Variants in SIRT1 observed in about 807,000 individuals in gnomAD.
The protein encoded by SIRT1 is NAD-dependent protein deacetylase sirtuin-1.
Under a neutral mutation model 67.9 loss-of-function variants are expected in SIRT1, and 24 were observed. The observed-to-expected ratio is 0.35, with a 90% CI of 0.26 to 0.50. The LOEUF is 0.50. Ranked by LOEUF, SIRT1 falls within the 20% of genes least tolerant of loss-of-function variation. The pLI, the probability that SIRT1 is intolerant of heterozygous loss-of-function variation, is 0.98. For missense variants in SIRT1, 873 were observed against 937.2 expected (o/e 0.93, Z 0.89); for synonymous variants, 378 against 350.7 (o/e 1.08, Z -0.87).
rs1285575541 is a variant in SIRT1 at position 67,912,657 on chromosome 10, C to G, written c.1541C>G (p.Pro514Arg). The change falls in exon 8 of 9, where the codon CCT (proline) becomes CGT (arginine). Residue 514 changes from proline (P) to arginine (R), a missense_variant. By Grantham distance (103) the Pro-to-Arg change is moderately radical (BLOSUM62 -2). Coordinates refer to ENST00000212015, the MANE Select transcript of SIRT1 (RefSeq NM_012238.5). ...AAGCTTTCAGAAATTACTGAAAAAC[C>G]TCCACGAACACAAAAAGAATTGGCT... is the stretch of plus-strand genomic sequence containing the variant. ...PVKLSEITEK[P>R]PRTQKELAYL... The G allele has an allele frequency of 1.2e-6, 2 of 1,614,036 alleles. No homozygotes were observed. Among genetic ancestry groups the G allele is most frequent in the Admixed American group, 3.3e-5 (2 of 59,986 alleles).
chr10:67,914,465 G>A (rs2029867951), intron 8 of SIRT1, among the ~76,000 whole-genome samples: 1 of 152,154 alleles, frequency 6.6e-6, no homozygotes, highest in African/African-American at 2.4e-5. Flanking sequence ...GAGCAGACGT[G>A]TTCACAGGGG....
At chr10:67,899,308 A>G (rs1320797048) in intron 4 of SIRT1, among the ~76,000 whole-genome samples, 2 of 151,370 alleles carry the variant, frequency 1.3e-5, no homozygotes, top group South Asian at 2.1e-4. Context: ...TTAGCATTAA[A>G]AAAAAAGTTA....
At chr10:67,901,683 G>A (rs992210132) in intron 4 of SIRT1, among the ~76,000 whole-genome samples, 17 of 152,214 alleles carry the variant, frequency 1.1e-4, no homozygotes, top group African/African-American at 3.6e-4. Context: ...ATTAAGTGGC[G>A]ACTGGCAGTT....
In SIRT1 at chr10:67,912,922, T is replaced by C; in HGVS notation, c.1806T>C (p.Asn602=). 2.5e-6 allele frequency: 4 copies of C among 1,614,160 alleles called. No individual in the cohort carries two copies. Among genetic ancestry groups the C allele is most frequent in the South Asian group, 1.1e-5 (1 of 91,084 alleles). Residue 602 remains asparagine (N), a synonymous_variant, in exon 8 of 9, where the codon AAT becomes AAC. Coordinates refer to ENST00000212015, the MANE Select transcript of SIRT1 (RefSeq NM_012238.5). ...AEQMENPDLK[N]VGSSTGEKNE... ...AGATGGAAAATCCGGATTTGAAGAA[T>C]GTTGGTTCTAGTACTGGGGAGAAAA...
Position 67,916,740 on chromosome 10 carries a change from G to A in SIRT1, c.*147G>A, listed in dbSNP as rs2029926271. 2 of 527,718 alleles carry A rather than the reference G, an allele frequency of 3.8e-6. No homozygotes were observed. The allele number at this position is 527,718 out of a possible 1,614,324, so 32.7% of individuals were successfully genotyped here. On this transcript the variant is annotated 3_prime_UTR_variant, in exon 9 of 9. Coordinates refer to ENST00000212015, the MANE Select transcript of SIRT1 (RefSeq NM_012238.5). The stretch of plus-strand genomic sequence containing the variant: ...GTTGGTAAAATAGATTGTTTTTCAT[G>A]GATAATTTTTAACTTCATTATTTCT...
Position 67,918,046 on chromosome 10 carries a change from G to A in SIRT1, c.*1453G>A, listed in dbSNP as rs964058316. On this transcript the variant is annotated 3_prime_UTR_variant, in exon 9 of 9. Transcript: ENST00000212015. Reference sequence around the variant, plus strand: ...ACCATTACTGCCAGAGAAAAAAATCGTATTGAATGGCCATTTCCCTACTTA... The same window carrying A: ...ACCATTACTGCCAGAGAAAAAAATCATATTGAATGGCCATTTCCCTACTTA... 6 of 152,550 alleles carry A rather than the reference G, an allele frequency of 3.9e-5. No homozygotes were observed. Among genetic ancestry groups the A allele is most frequent in the East Asian group, 1.9e-4 (1 of 5,198 alleles). 9.4% of individuals were successfully genotyped at this position (152,550 alleles called of 1,614,324 possible). A position where few individuals can be genotyped will look rare whatever the true frequency, so the allele number is the denominator to read the frequency against.
chr10:67,889,961 G>A (rs1842542704), intron 3 of SIRT1, among the ~76,000 whole-genome samples: 1 of 151,132 alleles, frequency 6.6e-6, no homozygotes, highest in Non-Finnish European at 1.5e-5. Context: ...ATGAAGAATT[G>A]AAATATTATA....
intron 3 of SIRT1, among the ~76,000 whole-genome samples, chr10:67,890,064 C>T (rs1344194723): frequency 6.6e-6 from 1 of 151,514 alleles, no homozygotes; most frequent in Non-Finnish European, 1.5e-5. Context: ...ACTGCAGTCT[C>T]AGCCTCTCCT....
intron 4 of SIRT1, among the ~76,000 whole-genome samples, chr10:67,896,455 T>C (rs1483421894): frequency 2.0e-5 from 3 of 152,238 alleles, no homozygotes; most frequent in East Asian, 1.9e-4. Context: ...TGGGCTGATA[T>C]TTATTTGCTA....
chr10:67,910,320 A>G (rs914177544), intron 7 of SIRT1, among the ~76,000 whole-genome samples: 1 of 152,162 alleles, frequency 6.6e-6, no homozygotes, highest in Non-Finnish European at 1.5e-5. Context: ...GGTTGCAATG[A>G]GCCGAGAATG....
rs1005857797 is a variant in SIRT1 at position 67,895,710 on chromosome 10, A to T, written c.942+4156A>T. On this transcript the variant is annotated intron_variant, in intron 4 of 8. Coordinates refer to ENST00000212015, the MANE Select transcript of SIRT1 (RefSeq NM_012238.5). ...TACCATCTATTATATCATTGATTGT[A>T]TGTGATTATTGAGAATTAACTTGTT... is the stretch of plus-strand genomic sequence containing the variant. Among the ~76,000 whole-genome samples the T allele has an allele frequency of 2.7e-4, 33 of 120,014 alleles. 1 individual carries two copies. Among genetic ancestry groups the T allele is most frequent in the African/African-American group, 9.2e-4 (31 of 33,786 alleles). The allele number at this position is 120,014 out of a possible 152,430, so 78.7% of individuals were successfully genotyped here.
Position 67,884,799 on chromosome 10 carries a change from G to C in SIRT1, c.78G>C (p.Ser26=), listed in dbSNP as rs1268799781. ...SAAGADREAA[S]SPAGEPLRKR... is the part of the protein sequence containing the mutation. The stretch of plus-strand genomic sequence containing the variant: ...CGGGGGCCGACAGGGAGGCCGCGTC[G>C]TCCCCCGCCGGGGAGCCGCTCCGCA... The change falls in exon 1 of 9, where the codon TCG becomes TCC. Residue 26 remains serine, a synonymous_variant. Coordinates refer to ENST00000212015, the MANE Select transcript of SIRT1 (RefSeq NM_012238.5). 1 of 1,223,808 alleles carries C rather than the reference G, an allele frequency of 8.2e-7. No individual in the cohort carries two copies. The highest frequency in any genetic ancestry group is 1.0e-6 in the Non-Finnish European group (1 of 982,898). 75.8% of individuals were successfully genotyped at this position (1,223,808 alleles called of 1,614,324 possible).
chr10:67,884,892 G>A lies in SIRT1; in HGVS notation c.171G>A (p.Glu57=). 2.5e-6 allele frequency: 3 copies of A among 1,219,460 alleles called. No individual in the cohort carries two copies. Among genetic ancestry groups the A allele is most frequent in the Non-Finnish European group, 3.1e-6 (3 of 980,052 alleles). The allele number at this position is 1,219,460 out of a possible 1,614,324, so 75.5% of individuals were successfully genotyped here. The change falls in exon 1 of 9, where the codon GAG becomes GAA. Residue 57 remains glutamate, a synonymous_variant. Coordinates refer to ENST00000212015, the MANE Select transcript of SIRT1 (RefSeq NM_012238.5). ...GCGAGCCCGGTGGGGCGGCCCCAGAGCGTGAGGTGCCGGCGGCGGCCAGGG... is the reference window on the plus strand; with the variant it reads ...GCGAGCCCGGTGGGGCGGCCCCAGAACGTGAGGTGCCGGCGGCGGCCAGGG... ...SPGEPGGAAP[E]REVPAAARGC...
chr10:67,905,974 A>G (rs1842815112), intron 4 of SIRT1: 1 of 333,438 alleles, frequency 3.0e-6, no homozygotes, highest in Non-Finnish European at 5.1e-6. Context: ...CCTGTAATGA[A>G]TGGTAAGGAA....
chr10:67,912,419 T>G (rs1359190088), intron 7 of SIRT1, 55 bp from the exon 8 acceptor site: 1 of 1,477,036 alleles, frequency 6.8e-7, no homozygotes, highest in Non-Finnish European at 9.1e-7. Context: ...GTTGTGGTTT[T>G]ATTAGCTTAC....
chr10:67,912,989 C>T lies in SIRT1; in HGVS notation c.1873C>T (p.Pro625Ser). Reference sequence around the variant, plus strand: ...GGCTGGAACAGTGAGAAAATGCTGGCCTAATAGAGTGGCAAAGGAGCAGAT... The same window carrying T: ...GGCTGGAACAGTGAGAAAATGCTGGTCTAATAGAGTGGCAAAGGAGCAGAT... ...SVAGTVRKCWPNRVAKEQISR... is the reference protein window; with the variant it reads ...SVAGTVRKCWSNRVAKEQISR... The change falls in exon 8 of 9, where the codon CCT (proline) becomes TCT (serine). Residue 625 changes from proline (P) to serine (S), a missense_variant. Pro to Ser is a moderately conservative substitution (Grantham distance 74). This residue lies in a region of SIRT1 where 295 missense variants were observed against 294.5 expected (regional missense o/e 1.00). Coordinates refer to ENST00000212015, the MANE Select transcript of SIRT1 (RefSeq NM_012238.5). The T allele has an allele frequency of 1.2e-6, 2 of 1,611,450 alleles. No homozygotes were observed. The highest frequency in any genetic ancestry group is 1.7e-6 in the Non-Finnish European group (2 of 1,179,322).
intron 6 of SIRT1, 28 bp from the exon 7 acceptor site, chr10:67,909,228 A>G (rs1564892326): frequency 1.9e-6 from 3 of 1,541,978 alleles, no homozygotes; most frequent in Non-Finnish European, 2.6e-6. Context: ...TTGCTTCTCT[A>G]CCTCAACCAA....
In SIRT1 at chr10:67,891,561, T is replaced by C. The variant is rs36107781; in HGVS notation, c.942+7T>C. ...ATTCTTCAAGTTTGCAAAGGTACTA[T>C]GAACTCTTCTGGTTGTTTCTTTGGC... On this transcript the variant is annotated splice_region_variant and intron_variant, in intron 4 of 8. Coordinates refer to ENST00000212015, the MANE Select transcript of SIRT1 (RefSeq NM_012238.5). The C allele has an allele frequency of 0.028, 44,384 of 1,613,464 alleles. 2,341 individuals are homozygous for C. The highest frequency in any genetic ancestry group is 0.23 in the African/African-American group (17,379 of 74,944).
Position 67,888,878 on chromosome 10 carries a change from G to A in SIRT1, c.548-4G>A. ...GACTTTAAGCCTTTTCCCCCTTATT[G>A]TAGGTCCATATACTTTTGTTCAGCA... On this transcript the variant is annotated splice_polypyrimidine_tract_variant and splice_region_variant and intron_variant, in intron 2 of 8. Transcript: ENST00000212015. 1 of 1,595,272 alleles carries A rather than the reference G, an allele frequency of 6.3e-7. No homozygotes were observed. The highest frequency in any genetic ancestry group is 8.6e-7 in the Non-Finnish European group (1 of 1,168,140).
Sources: allele counts gnomAD v4.1 joint callset (sites outside exome capture counted in the v4.1 genomes callset), GRCh38; gene constraint gnomAD v4.1.1; regional missense constraint gnomAD v4.1.1; transcripts MANE v1.5; gene names NCBI Gene and HGNC (gene_info 2026-07-23, HGNC 2026-07-21).